Variants in MYO1B observed in about 807,000 individuals in gnomAD.
The protein encoded by MYO1B is myosin IB, also known as unconventional myosin-Ib.
MYO1B carries 72 observed loss-of-function variants against 159.7 expected under a neutral mutation model. The observed-to-expected ratio is 0.45, with a 90% CI of 0.37 to 0.55. The LOEUF (loss-of-function observed/expected upper bound fraction) is 0.55, where lower values mean the gene tolerates loss of function less well. MYO1B is among the 20% of genes least tolerant of loss of function. The pLI is 0.00. For missense variants in MYO1B, 1,062 were observed against 1,364.8 expected, an observed-to-expected ratio of 0.78 and a Z score of 3.50; for synonymous variants, 468 against 473.8, an observed-to-expected ratio of 0.99 and a Z score of 0.16.
rs1302248786 is a variant in MYO1B at position 191,414,465 on chromosome 2, T to C, written c.3007-52T>C. On this transcript the variant is annotated intron_variant, in intron 28 of 30. Coordinates refer to ENST00000392318, the MANE Select transcript of MYO1B (RefSeq NM_001130158.3). Reference sequence around the variant, plus strand: ...AATAATGCCTTAAACTCATGGACCATTTTTGAGTATTTGTGATCATTGGTT... The same window carrying C: ...AATAATGCCTTAAACTCATGGACCACTTTTGAGTATTTGTGATCATTGGTT... 9 of 1,509,008 alleles carry C rather than the reference T, an allele frequency of 6.0e-6. No homozygotes were observed. The East Asian group carries it at 1.4e-4, about 24-fold the overall frequency. The allele number at this position is 1,509,008 out of a possible 1,614,324, so 93.5% of individuals were successfully genotyped here. A position where few individuals can be genotyped will look rare whatever the true frequency, so the allele number is the denominator to read the frequency against.
chr2:191,353,549 A>G (rs930406854), intron 7 of MYO1B, among the ~76,000 whole-genome samples: 4 of 152,200 alleles, frequency 2.6e-5, no homozygotes, highest in Non-Finnish European at 4.4e-5. Context: ...TCAAGAGTCT[A>G]GTGTAATACC....
chr2:191,391,015 T>C (rs892394360), intron 18 of MYO1B, among the ~76,000 whole-genome samples: 1 of 152,260 alleles, frequency 6.6e-6, no homozygotes, highest in Admixed American at 6.5e-5. Flanking sequence ...AGCTGGTCTG[T>C]CCTGAATTGC....
At chr2:191,384,837 A>G (rs997283289) in intron 15 of MYO1B, among the ~76,000 whole-genome samples, 1 of 152,220 alleles carries the variant, frequency 6.6e-6, no homozygotes, top group African/African-American at 2.4e-5. Context: ...GAAGAAGCTC[A>G]TGTTCACATA....
At chr2:191,419,095 T>A (rs1697766131) in intron 30 of MYO1B, among the ~76,000 whole-genome samples, 1 of 152,286 alleles carries the variant, frequency 6.6e-6, no homozygotes, top group Admixed American at 6.5e-5. Context: ...ATGTTTGTGC[T>A]GCTGCTGGTG....
At chr2:191,338,113 C>T (rs537313222) in intron 4 of MYO1B, among the ~76,000 whole-genome samples, 1 of 149,988 alleles carries the variant, frequency 6.7e-6, no homozygotes, top group African/African-American at 2.5e-5. Flanking sequence ...TAATGAAGTA[C>T]TTGAGTTAAA....
At chr2:191,364,003 A>G (rs747023614) in intron 10 of MYO1B, 128 bp downstream of exon 10, 2 of 1,297,870 alleles carry the variant, frequency 1.5e-6, no homozygotes, top group African/African-American at 1.5e-5. Flanking sequence ...GAAACTGAGC[A>G]GAAATAGAAC....
intron 3 of MYO1B, among the ~76,000 whole-genome samples, chr2:191,329,252 A>G (rs1691301962): frequency 6.6e-6 from 1 of 152,170 alleles, no homozygotes; most frequent in African/African-American, 2.4e-5. Context: ...AGGCAGGGTT[A>G]GAATTTTGGG....
intron 3 of MYO1B, among the ~76,000 whole-genome samples, chr2:191,314,447 C>T (rs181378630): frequency 2.6e-5 from 4 of 152,218 alleles, no homozygotes; most frequent in Non-Finnish European, 5.9e-5. Context: ...ATCTTTGTTC[C>T]AATTCTCATA....
rs575305233 is a variant in MYO1B, at chr2:191,321,462, T to C, written c.252-8473T>C. ...TCTATTCTTGTAGACCATAGCTGTGTAATTCTTTTAAAAAGAGTTGGGTAT... is the reference window on the plus strand; with the variant it reads ...TCTATTCTTGTAGACCATAGCTGTGCAATTCTTTTAAAAAGAGTTGGGTAT... On this transcript the variant is annotated intron_variant, in intron 3 of 30. Transcript: ENST00000392318. 3.9e-5 allele frequency among the ~76,000 whole-genome samples: 6 copies of C among 152,344 alleles called. No individual in the cohort carries two copies. In the South Asian group the frequency reaches 1.0e-3, roughly 26 times the overall value.
intron 3 of MYO1B, among the ~76,000 whole-genome samples, chr2:191,298,712 C>T (rs1181396774): frequency 6.6e-6 from 1 of 152,178 alleles, no homozygotes; most frequent in Non-Finnish European, 1.5e-5. Context: ...TAAGTACTTA[C>T]TATTCTGCTC....
intron 2 of MYO1B, among the ~76,000 whole-genome samples, chr2:191,278,737 C>T (rs190956244): frequency 6.2e-4 from 95 of 152,364 alleles, no homozygotes; most frequent in Middle Eastern, 6.8e-3. Context: ...CTGGTGTCAC[C>T]TTCCCTCCAA....
At chr2:191,423,135 C>T (rs1387017125) in intron 30 of MYO1B, among the ~76,000 whole-genome samples, 1 of 152,102 alleles carries the variant, frequency 6.6e-6, no homozygotes, top group African/African-American at 2.4e-5. Context: ...GGGATGTGTA[C>T]TAAGAAGTGT....
chr2:191,403,816 G>A (rs922430234), intron 24 of MYO1B, among the ~76,000 whole-genome samples: 3 of 151,906 alleles, frequency 2.0e-5, no homozygotes, highest in African/African-American at 7.3e-5. Flanking sequence ...CTCTATAACC[G>A]GTTTTTTTAA....
Position 191,329,897 on chromosome 2 carries a change from C to A in MYO1B, c.252-38C>A, listed in dbSNP as rs183917742. ...CATCTGATAAACACATAATAATGAT[C>A]TGAAGTCTAAGGAATTTTTTTCCAT... On this transcript the variant is annotated intron_variant, in intron 3 of 30. Transcript: ENST00000392318. 72 of 1,567,094 alleles carry A rather than the reference C, an allele frequency of 4.6e-5. No homozygotes were observed. The Admixed American group carries it at 9.9e-4, about 22-fold the overall frequency.
intron 6 of MYO1B, among the ~76,000 whole-genome samples, chr2:191,346,657 TC>T (rs1171947027): frequency 6.6e-6 from 1 of 152,230 alleles, no homozygotes; most frequent in African/African-American, 2.4e-5. Flanking sequence ...GTAACCCTTG[TC>T]CCTTATTCAG....
intron 25 of MYO1B, 54 bp from the exon 26 acceptor site, chr2:191,408,976 ATGTATGTAAAACAG>A: frequency 6.8e-7 from 1 of 1,460,004 alleles, no homozygotes; most frequent in Non-Finnish European, 9.2e-7. Context: ...TTTGATCATG[ATGTATGTAAAACAG>A]TGTCTTTTGT....
chr2:191,350,823 A>T (rs943375847), intron 7 of MYO1B, among the ~76,000 whole-genome samples: 4 of 151,766 alleles, frequency 2.6e-5, no homozygotes, highest in African/African-American at 9.7e-5. Context: ...AAAAAACAAA[A>T]AAAACACAAT....
chr2:191,397,702 G>A (rs955036466), intron 21 of MYO1B, among the ~76,000 whole-genome samples: 25 of 145,336 alleles, frequency 1.7e-4, no homozygotes, highest in African/African-American at 5.2e-4. Flanking sequence ...CCAATGAGCC[G>A]CTGGGCACAC....
At chr2:191,353,835 G>C (rs1182028858) in intron 7 of MYO1B, among the ~76,000 whole-genome samples, 1 of 152,172 alleles carries the variant, frequency 6.6e-6, no homozygotes, top group Non-Finnish European at 1.5e-5. Context: ...TACATAGTGA[G>C]CACTCAATAA....
Sources: gnomAD v4.1 joint callset for allele counts (sites outside exome capture counted in the v4.1 genomes callset) on GRCh38, gnomAD v4.1.1 for gene constraint, MANE v1.5 for transcripts, NCBI Gene and HGNC (gene_info 2026-07-23, HGNC 2026-07-21) for gene names.